The following RASGRP3 variants were observed in gnomAD, a reference collection of about 807,000 sequenced individuals.
The protein encoded by RASGRP3 is ras guanyl-releasing protein 3.
Under a neutral mutation model 82.7 loss-of-function variants are expected in RASGRP3, and 54 were observed. That is an observed-to-expected ratio of 0.65 (90% CI 0.52 to 0.82). The LOEUF is 0.82. RASGRP3 is among the 40% of genes least tolerant of loss of function. The pLI is 0.00. For synonymous variants in RASGRP3, 309 were observed against 300.5 expected (o/e 1.03, Z -0.29); for missense variants, 861 against 828.9 (o/e 1.04, Z -0.48).
chr2:33,498,952 G>T (rs1385076148), intron 1 of RASGRP3, among the ~76,000 whole-genome samples: 5 of 152,022 alleles, frequency 3.3e-5, no homozygotes, highest in Admixed American at 1.3e-4. Flanking sequence ...GAAAGTGACT[G>T]GAGAAGTATT....
chr2:33,465,547 T>G (rs1296798282), intron 2 of RASGRP3, among the ~76,000 whole-genome samples: 1 of 152,218 alleles, frequency 6.6e-6, no homozygotes. Flanking sequence ...GAACATGTTA[T>G]TAAGTAAAGT....
intron 5 of RASGRP3, 91 bp downstream of exon 5, chr2:33,520,105 C>A: frequency 1.9e-6 from 2 of 1,068,446 alleles, no homozygotes; most frequent in Non-Finnish European, 2.8e-6. Context: ...CCTAGTTTGA[C>A]AACAGACTCT....
intron 14 of RASGRP3, among the ~76,000 whole-genome samples, chr2:33,553,779 CT>C (rs2151101751): frequency 6.6e-6 from 1 of 150,578 alleles, no homozygotes; most frequent in South Asian, 2.1e-4. Context: ...GATAGAATCT[CT>C]CTCTGTCGCC....
chr2:33,489,577 T>A (rs1338795791), intron 1 of RASGRP3, among the ~76,000 whole-genome samples: 3 of 152,224 alleles, frequency 2.0e-5, no homozygotes, highest in African/African-American at 7.2e-5. Flanking sequence ...TTTTATTTTT[T>A]ATTTTTTTGG....
At chr2:33,464,052 G>T (rs1437203255) in intron 2 of RASGRP3, among the ~76,000 whole-genome samples, 2 of 150,178 alleles carry the variant, frequency 1.3e-5, no homozygotes, top group Admixed American at 6.6e-5. Flanking sequence ...ATTAGCATGT[G>T]TTCACTTCAT....
chr2:33,491,676 C>T (rs1668855861), intron 1 of RASGRP3, among the ~76,000 whole-genome samples: 2 of 152,218 alleles, frequency 1.3e-5, no homozygotes, highest in South Asian at 4.1e-4. Flanking sequence ...TGTGAGCCAA[C>T]AAAATATCAT....
chr2:33,533,464 C>A (rs559140029), intron 10 of RASGRP3: 1 of 152,286 alleles, frequency 6.6e-6, no homozygotes, highest in South Asian at 2.1e-4. Flanking sequence ...TATAAAATAA[C>A]ACTTCTTGAG....
At chr2:33,534,754 C>T (rs58779605) in intron 11 of RASGRP3, among the ~76,000 whole-genome samples, 12,530 of 149,152 alleles carry the variant, frequency 0.084, 993 homozygotes, top group East Asian at 0.28. Flanking sequence ...ATGTTGGCCC[C>T]GGCTGGTCTC....
At chr2:33,475,309 G>T (rs182436913), upstream of RASGRP3, among the ~76,000 whole-genome samples, 1,181 of 152,280 alleles carry the variant, frequency 7.8e-3, 13 homozygotes, top group Middle Eastern at 0.02. Flanking sequence ...GAGACTGAGG[G>T]TTTTTTGTCT....
At chr2:33,502,124 T>C (rs1669927292) in intron 1 of RASGRP3, among the ~76,000 whole-genome samples, 1 of 152,056 alleles carries the variant, frequency 6.6e-6, no homozygotes, top group Admixed American at 6.5e-5. Context: ...ATTTTGTTTG[T>C]TTGTTAGTGT....
chr2:33,487,618 A>G (rs1574316349), intron 1 of RASGRP3, among the ~76,000 whole-genome samples: 1 of 152,198 alleles, frequency 6.6e-6, no homozygotes, highest in Admixed American at 6.5e-5. Flanking sequence ...ATATCTTCCT[A>G]TTACCCTCAA....
intron 1 of RASGRP3, among the ~76,000 whole-genome samples, chr2:33,492,181 C>T (rs1358257449): frequency 6.6e-6 from 1 of 152,114 alleles, no homozygotes; most frequent in Non-Finnish European, 1.5e-5. Flanking sequence ...AGTCCATTTG[C>T]TTTAAGGTAA....
intron 1 of RASGRP3, among the ~76,000 whole-genome samples, chr2:33,441,120 G>A (rs758761035): frequency 5.7e-4 from 87 of 152,240 alleles, no homozygotes; most frequent in Non-Finnish European, 7.2e-4. Flanking sequence ...TTGAACTCCT[G>A]ACCTCAAATG....
rs1046083594 is a variant in RASGRP3, at chr2:33,563,663, A to T, written c.*926A>T. 1.3e-5 allele frequency: 2 copies of T among 148,990 alleles called. No homozygotes were observed. The highest frequency in any genetic ancestry group is 4.9e-5 in the African/African-American group (2 of 40,954). The allele number at this position is 148,990 out of a possible 1,614,324, so 9.2% of individuals were successfully genotyped here. ...ATGCAAAACAACCATCAATTTTTTT[A>T]AACTCAATAATTTTGTGAAAAAAAA... On this transcript the variant is annotated 3_prime_UTR_variant, in exon 18 of 18. Transcript: ENST00000403687.
chr2:33,516,528 T>C lies in RASGRP3; in HGVS notation c.71-14T>C. ...ACTATTATCTCCTCACTTCTTGTTT[T>C]ATTTTTCTAACAGATGACAATGGAG... is the stretch of plus-strand genomic sequence containing the variant. On this transcript the variant is annotated splice_polypyrimidine_tract_variant and intron_variant, in intron 3 of 17. Transcript: ENST00000403687. 26 of 1,505,114 alleles carry C rather than the reference T, an allele frequency of 1.7e-5. No individual in the cohort carries two copies. Among genetic ancestry groups the C allele is most frequent in the Non-Finnish European group, 2.0e-5 (22 of 1,094,590 alleles). 93.2% of individuals were successfully genotyped at this position (1,505,114 alleles called of 1,614,324 possible).
chr2:33,522,241 C>T (rs1202993485), intron 7 of RASGRP3, 139 bp downstream of exon 7: 1 of 916,602 alleles, frequency 1.1e-6, no homozygotes, highest in Admixed American at 2.5e-5. Context: ...TTCACAGGAA[C>T]AATCCCTTTT....
At chr2:33,443,069 C>T (rs1167059323) in intron 1 of RASGRP3, among the ~76,000 whole-genome samples, 1 of 152,148 alleles carries the variant, frequency 6.6e-6, no homozygotes, top group South Asian at 2.1e-4. Context: ...GTAAAATGCA[C>T]AGCGATATTG....
rs983952924 is a variant in RASGRP3, at chr2:33,453,465, C to G, written c.-261+5522C>G. On this transcript the variant is annotated intron_variant, in intron 2 of 18. Coordinates refer to the RASGRP3 transcript ENST00000402538. ...TGAGGTGGCTCACTTATATGGCTGG[C>G]ATGTTGGTGCTGGCTGTTAGCTGAG... Among the ~76,000 whole-genome samples, 6 of 152,178 alleles carry G rather than the reference C, an allele frequency of 3.9e-5. No homozygotes were observed. In the South Asian group the frequency reaches 1.2e-3, roughly 32 times the overall value.
rs867165801 is a variant in RASGRP3 at position 33,497,222 on chromosome 2, A to C, written c.-260-14488A>C. On this transcript the variant is annotated intron_variant, in intron 1 of 17. Coordinates refer to ENST00000403687, the MANE Select transcript of RASGRP3 (RefSeq NM_001139488.2). ...GTATGATTAATAGTTAAAGGGTGCT[A>C]AGATAAATAAATATATACATGCTCT... Among the ~76,000 whole-genome samples the C allele has an allele frequency of 2.8e-4, 43 of 152,216 alleles. 1 individual carries two copies. Among genetic ancestry groups the C allele is most frequent in the African/African-American group, 8.9e-4 (37 of 41,458 alleles).
Sources: allele counts gnomAD v4.1 joint callset (sites outside exome capture counted in the v4.1 genomes callset), GRCh38; gene constraint gnomAD v4.1.1; transcripts MANE v1.5; gene names NCBI Gene and HGNC (gene_info 2026-07-23, HGNC 2026-07-21).